TOP3A: variants seen among roughly 807,000 people sequenced by gnomAD.
TOP3A encodes the protein DNA topoisomerase 3-alpha.
Under a neutral mutation model 111.3 loss-of-function variants are expected in TOP3A, and 64 were observed. The ratio of observed to expected loss-of-function variants is 0.57; its 90% confidence interval spans 0.47 to 0.71. The LOEUF (loss-of-function observed/expected upper bound fraction) is 0.71. Among genes scored for constraint, TOP3A ranks in the 30% least tolerant of loss-of-function variants. The probability of loss-of-function intolerance (pLI) is 0.00; values close to 1 mark genes in which losing one functional copy is unlikely to be tolerated. For missense variants in TOP3A, 1,104 were observed against 1,285.0 expected, an observed-to-expected ratio of 0.86 and a Z score of 2.15; for synonymous variants, 484 against 485.1, an observed-to-expected ratio of 1.00 and a Z score of 0.03.
chr17:18,275,034 A>C, intron 18 of TOP3A, 54 bp from the exon 19 acceptor site: 1 of 1,582,944 alleles, frequency 6.3e-7, no homozygotes, highest in South Asian at 1.1e-5. Flanking sequence ...CAGAAGTGGC[A>C]AGTCCTGAAC....
intron 10 of TOP3A, among the ~76,000 whole-genome samples, chr17:18,294,074 GTA>G (rs1451231527): frequency 6.6e-6 from 1 of 152,204 alleles, no homozygotes; most frequent in Non-Finnish European, 1.5e-5. Flanking sequence ...GTGCTGGGGT[GTA>G]TATGACTGGG....
At chr17:18,277,185 C>CAAAAAAAAA (rs34363304) in intron 18 of TOP3A, among the ~76,000 whole-genome samples, 9 of 96,468 alleles carry the variant, frequency 9.3e-5, no homozygotes, top group African/African-American at 1.6e-4. Flanking sequence ...ACTCAGTCTC[C>CAAAAAAAAA]AAAAAAAAAA....
intron 7 of TOP3A, 31 bp downstream of exon 7, chr17:18,302,233 C>G (rs779710143): frequency 1.5e-5 from 23 of 1,580,786 alleles, no homozygotes; most frequent in Non-Finnish European, 2.0e-5. Context: ...GCCCATAGGT[C>G]CCAGGCCATA....
At chr17:18,305,059 T>A (rs1287719888) in intron 5 of TOP3A, 53 bp downstream of exon 5, 12 of 1,471,854 alleles carry the variant, frequency 8.2e-6, no homozygotes, top group Admixed American at 1.7e-5. Flanking sequence ...ACAAGAACAC[T>A]CTATTTATGG....
At chr17:18,288,152 T>TATATATATATATATATATATATA (rs1567739496) in intron 13 of TOP3A, among the ~76,000 whole-genome samples, 2 of 120,406 alleles carry the variant, frequency 1.7e-5, no homozygotes, top group African/African-American at 7.2e-5. Context: ...TATATATAAA[T>TATATATATATATATATATATATA]TTTTTTTTTT....
In TOP3A at chr17:18,302,638, C is replaced by A. The variant is rs766273577; in HGVS notation, c.585G>T (p.Glu195Asp). 1 of 1,614,210 alleles carries A rather than the reference C, an allele frequency of 6.2e-7. No individual in the cohort carries two copies. The highest frequency in any genetic ancestry group is 1.1e-5 in the South Asian group (1 of 91,086). Reference protein sequence around the residue: ...AVRTACENLTEPDQRVSDAVD... With the variant: ...AVRTACENLTDPDQRVSDAVD... ...CAGCATCGCTCACCCTCTGATCAGG[C>A]TCGGTCAGGTTTTCACAAGCTGTCC... Residue 195 changes from glutamate to aspartate, a missense_variant, in exon 6 of 19, where the codon GAG becomes GAT. Physicochemically the swap from Glu to Asp is conservative, Grantham distance 45. Coordinates refer to ENST00000321105, the MANE Select transcript of TOP3A (RefSeq NM_004618.5).
At chr17:18,281,054 T>C (rs1979726937) in intron 16 of TOP3A, among the ~76,000 whole-genome samples, 2 of 152,124 alleles carry the variant, frequency 1.3e-5, no homozygotes, top group Non-Finnish European at 2.9e-5. Context: ...CATGCATGCA[T>C]GTGTGGATGG....
intron 9 of TOP3A, among the ~76,000 whole-genome samples, chr17:18,298,577 G>C (rs1981014537): frequency 6.6e-6 from 1 of 151,556 alleles, no homozygotes; most frequent in South Asian, 2.1e-4. Flanking sequence ...TTGAGAACGG[G>C]CCATGATGAC....
intron 9 of TOP3A, among the ~76,000 whole-genome samples, chr17:18,297,438 GTCCCTC>G (rs1474628621): frequency 1.4e-5 from 2 of 145,904 alleles, no homozygotes; most frequent in African/African-American, 2.6e-5. Context: ...CCCTGTCCCT[GTCCCTC>G]TCCCTCTCCC....
chr17:18,311,093 C>T (rs953358578), intron 1 of TOP3A, among the ~76,000 whole-genome samples: 1 of 151,730 alleles, frequency 6.6e-6, no homozygotes, highest in Admixed American at 6.6e-5. Flanking sequence ...CTCCACCTCC[C>T]GGGTTCATGC....
At chr17:18,282,543 C>G (rs1979821709) in intron 16 of TOP3A, among the ~76,000 whole-genome samples, 155 bp downstream of exon 16, 1 of 152,252 alleles carries the variant, frequency 6.6e-6, no homozygotes, top group Non-Finnish European at 1.5e-5. Flanking sequence ...TGATCCCACC[C>G]TGCTATGCTT....
At chr17:18,285,078 C>T in intron 15 of TOP3A, 64 bp downstream of exon 15, 1 of 1,576,828 alleles carries the variant, frequency 6.3e-7, no homozygotes, top group African/African-American at 1.3e-5. Context: ...CTCTTGAGGC[C>T]AGGAGTTCAA....
chr17:18,313,930 G>A, intron 1 of TOP3A, among the ~76,000 whole-genome samples: 1 of 152,198 alleles, frequency 6.6e-6, no homozygotes, highest in East Asian at 1.9e-4. Context: ...AGCTCTTTAT[G>A]TCTCCCGTGG....
At chr17:18,293,372 G>A (rs1044906750) in intron 10 of TOP3A, among the ~76,000 whole-genome samples, 7 of 151,988 alleles carry the variant, frequency 4.6e-5, no homozygotes, top group African/African-American at 7.3e-5. Flanking sequence ...TGTGGCCTCC[G>A]TCTCCCAAGC....
rs1979528899 is a variant in TOP3A at position 18,278,255 on chromosome 17, G to T, written c.2247C>A (p.Asp749Glu). 6.4e-7 allele frequency: 1 copy of T among 1,566,918 alleles called. No homozygotes were observed. Among genetic ancestry groups the T allele is most frequent in the South Asian group, 1.2e-5 (1 of 83,688 alleles). ...GCDDTLREIL[D>E]LRFSGGPPRA... is the part of the protein sequence containing the mutation. ...TGGGGGGGCCCCCTGAAAATCTCAG[G>T]TCCAGGATCTCCCTCAGGGTGTCGT... The change falls in exon 18 of 19, where the codon GAC becomes GAA. Residue 749 changes from aspartate to glutamate, a missense_variant. Transcript: ENST00000321105.
At chr17:18,285,797 C>A (rs545550397) in intron 13 of TOP3A, among the ~76,000 whole-genome samples, 8 of 152,352 alleles carry the variant, frequency 5.3e-5, no homozygotes, top group African/African-American at 1.9e-4. Context: ...GCCATACTTG[C>A]AGCTTGTGTC....
intron 17 of TOP3A, among the ~76,000 whole-genome samples, chr17:18,279,641 G>A (rs1979630169): frequency 6.6e-6 from 1 of 151,656 alleles, no homozygotes; most frequent in Admixed American, 6.6e-5. Context: ...CGCCTGTCTC[G>A]GCCTCCCAAA....
chr17:18,294,889 G>T, intron 9 of TOP3A, 104 bp from the exon 10 acceptor site: 1 of 749,786 alleles, frequency 1.3e-6, no homozygotes, highest in Non-Finnish European at 2.3e-6. Flanking sequence ...TGTCACTCCA[G>T]GTGCTTCTGT....
At position 18,302,672 on chromosome 17, in the gene TOP3A, T is replaced by A; in HGVS notation, c.551A>T (p.His184Leu). ...GTTTTCACAAGCTGTCCTGACGGCATGGGGTGTGATCTCAGAGAATCGGGC... is the reference window on the plus strand; with the variant it reads ...GTTTTCACAAGCTGTCCTGACGGCAAGGGGTGTGATCTCAGAGAATCGGGC... The part of the protein sequence containing the change: ...LRARFSEITP[H>L]AVRTACENLT... The change falls in exon 6 of 19, where the codon CAT (histidine) becomes CTT (leucine). Residue 184 changes from histidine to leucine, a missense_variant. Coordinates refer to ENST00000321105, the MANE Select transcript of TOP3A (RefSeq NM_004618.5). 6.2e-7 allele frequency: 1 copy of A among 1,614,164 alleles called. No homozygotes were observed. The highest frequency in any genetic ancestry group is 8.5e-7 in the Non-Finnish European group (1 of 1,180,030).
Sources: allele counts gnomAD v4.1 joint callset (sites outside exome capture counted in the v4.1 genomes callset), GRCh38; gene constraint gnomAD v4.1.1; transcripts MANE v1.5; gene names NCBI Gene and HGNC (gene_info 2026-07-23, HGNC 2026-07-21).